The following NID2 variants were observed in gnomAD, a reference collection of about 807,000 sequenced individuals.
NID2 encodes nidogen-2.
Under a neutral mutation model 145.4 loss-of-function variants are expected in NID2, and 83 were observed. The ratio of observed to expected loss-of-function variants is 0.57; its 90% confidence interval spans 0.48 to 0.69. The LOEUF is 0.69. NID2 is among the 30% of genes least tolerant of loss of function. NID2 has a pLI of 0.00. For missense variants in NID2, 1,807 were observed against 1,765.7 expected (o/e 1.02, Z -0.42); for synonymous variants, 739 against 701.3 (o/e 1.05, Z -0.85).
intron 3 of NID2, 23 bp downstream of exon 3, chr14:52,060,101 G>A: frequency 6.6e-7 from 1 of 1,526,570 alleles, no homozygotes; most frequent in Non-Finnish European, 9.0e-7. Flanking sequence ...AATAGGAAAG[G>A]GCTTCAGCTC....
At chr14:52,065,773 C>T (rs1293728307) in intron 2 of NID2, among the ~76,000 whole-genome samples, 44 of 122,214 alleles carry the variant, frequency 3.6e-4, no homozygotes, top group East Asian at 2.7e-3. Context: ...TTTGTTCTTG[C>T]GATAGTTTAC....
intron 13 of NID2, 99 bp downstream of exon 13, chr14:52,019,960 G>C (rs1891342203): frequency 6.8e-7 from 1 of 1,480,264 alleles, no homozygotes; most frequent in Non-Finnish European, 9.1e-7. Flanking sequence ...AATCCACCAA[G>C]GCTCCAGACC....
chr14:52,023,349 G>C (rs535525280), intron 12 of NID2, among the ~76,000 whole-genome samples: 60 of 152,110 alleles, frequency 3.9e-4, no homozygotes, highest in Admixed American at 1.0e-3. Flanking sequence ...TGCTACTTGG[G>C]GGGGCTGAGA....
At chr14:52,046,308 G>C (rs1388943117) in intron 5 of NID2, among the ~76,000 whole-genome samples, 1 of 111,570 alleles carries the variant, frequency 9.0e-6, no homozygotes, top group Non-Finnish European at 1.7e-5. Context: ...GGGCGACAGA[G>C]AGAGACTCCA....
chr14:52,006,458 C>A, intron 20 of NID2, 79 bp downstream of exon 20: 1 of 1,559,860 alleles, frequency 6.4e-7, no homozygotes, highest in Non-Finnish European at 8.7e-7. Context: ...AAGTCAGGTA[C>A]TGACTTTTGG....
chr14:52,062,638 T>C (rs1319727711), intron 2 of NID2, among the ~76,000 whole-genome samples: 2 of 151,980 alleles, frequency 1.3e-5, no homozygotes, highest in Non-Finnish European at 2.9e-5. Context: ...CCATAATAAA[T>C]GTGAGATAGG....
intron 9 of NID2, among the ~76,000 whole-genome samples, chr14:52,035,643 T>G (rs1892033523): frequency 6.7e-6 from 1 of 149,716 alleles, no homozygotes. Context: ...CCGATGAGAA[T>G]GGTTTTAGAG....
chr14:52,005,561 G>C (rs1288801876), intron 21 of NID2, 65 bp from the exon 22 acceptor site: 11 of 1,544,408 alleles, frequency 7.1e-6, no homozygotes, highest in East Asian at 2.2e-5. Context: ...AGTTGCAACA[G>C]CAAGTCTTTG....
At chr14:52,058,100 T>A (rs1018662156) in intron 3 of NID2, among the ~76,000 whole-genome samples, 1 of 152,222 alleles carries the variant, frequency 6.6e-6, no homozygotes, top group Non-Finnish European at 1.5e-5. Flanking sequence ...TTTACTGCAA[T>A]GATATTTATA....
intron 20 of NID2, 165 bp downstream of exon 20, chr14:52,006,372 T>C (rs777951004): frequency 3.1e-5 from 22 of 715,548 alleles, no homozygotes; most frequent in Non-Finnish European, 4.4e-5. Context: ...CATGAAAGGA[T>C]GAAAAACATC....
intron 12 of NID2, among the ~76,000 whole-genome samples, chr14:52,022,002 G>T (rs1000248571): frequency 6.6e-6 from 1 of 152,144 alleles, no homozygotes; most frequent in Non-Finnish European, 1.5e-5. Flanking sequence ...TTCACAATAC[G>T]CATGCTAAAA....
intron 9 of NID2, among the ~76,000 whole-genome samples, chr14:52,031,463 G>C (rs937527893): frequency 2.6e-5 from 4 of 152,130 alleles, no homozygotes; most frequent in African/African-American, 9.7e-5. Context: ...AGACTCAAAA[G>C]ATTTCCAGAG....
chr14:52,050,057 G>A (rs1198956002), intron 5 of NID2, among the ~76,000 whole-genome samples: 1 of 152,178 alleles, frequency 6.6e-6, no homozygotes, highest in East Asian at 1.9e-4. Context: ...AAAGTGGAGT[G>A]GGACTACATG....
Position 52,015,093 on chromosome 14 carries a change from C to G in NID2, c.3211G>C (p.Val1071Leu), listed in dbSNP as rs772412285. Reference protein sequence around the residue: ...CWCVDKDGREVQGTRSQPGTT... With the variant: ...CWCVDKDGRELQGTRSQPGTT... Reference sequence around the variant, plus strand: ...CCTGGCTGGGAGCGGGTGCCCTGCACCTCTCTGCCATCTTTGTCCACACAC... The same window carrying G: ...CCTGGCTGGGAGCGGGTGCCCTGCAGCTCTCTGCCATCTTTGTCCACACAC... The change falls in exon 15 of 22, where the codon GTG becomes CTG. Residue 1071 changes from valine (V) to leucine (L), a missense_variant. Coordinates refer to ENST00000216286, the MANE Select transcript of NID2 (RefSeq NM_007361.4). 6.2e-7 allele frequency: 1 copy of G among 1,614,058 alleles called. No individual in the cohort carries two copies. The highest frequency in any genetic ancestry group is 2.2e-5 in the East Asian group (1 of 44,860).
At position 52,068,128 on chromosome 14, in the gene NID2, G is replaced by A; in HGVS notation, c.264C>T (p.Phe88=). The change falls in exon 2 of 22, where the codon TTC becomes TTT. Residue 88 remains phenylalanine, a synonymous_variant. Transcript: ENST00000216286. ...GTNGIISTQD[F]PRETQYVDYD... ...AGTCCACATACTGCGTTTCCCTGGGGAAGTCCTGAGTGGAGATGATGCCGT... is the reference window on the plus strand; with the variant it reads ...AGTCCACATACTGCGTTTCCCTGGGAAAGTCCTGAGTGGAGATGATGCCGT... 1 of 1,613,352 alleles carries A rather than the reference G, an allele frequency of 6.2e-7. No individual in the cohort carries two copies. Among genetic ancestry groups the A allele is most frequent in the Non-Finnish European group, 8.5e-7 (1 of 1,179,900 alleles).
At chr14:52,005,937 G>A in intron 20 of NID2, 88 bp from the exon 21 acceptor site, 2 of 988,194 alleles carry the variant, frequency 2.0e-6, no homozygotes, top group Admixed American at 1.8e-5. Context: ...TTGCAATAGA[G>A]GAAAATTTCT....
In NID2 at chr14:52,040,817, G is replaced by A. The variant is rs771716532; in HGVS notation, c.1860C>T (p.Phe620=). 7 of 1,614,042 alleles carry A rather than the reference G, an allele frequency of 4.3e-6. No homozygotes were observed. The highest frequency in any genetic ancestry group is 5.9e-6 in the Non-Finnish European group (7 of 1,180,042). ...TACGAACCGTCTCCTCTCCCGGGTA[G>A]AATGTAACTTCCATGTCATGGGTAA... ...AAFTHDMEVT[F]YPGEETVRIT... The change falls in exon 8 of 22, where the codon TTC becomes TTT. Residue 620 remains phenylalanine (F), a synonymous_variant. Coordinates refer to ENST00000216286, the MANE Select transcript of NID2 (RefSeq NM_007361.4).
chr14:52,014,194 G>A (rs758898375), intron 16 of NID2, 93 bp downstream of exon 16: 9 of 1,526,432 alleles, frequency 5.9e-6, no homozygotes, highest in Non-Finnish European at 8.2e-6. Flanking sequence ...GGACTTCCCT[G>A]CACCAGTCCA....
At chr14:52,008,925 A>G (rs1178307800) in intron 18 of NID2, 3 of 152,218 alleles carry the variant, frequency 2.0e-5, no homozygotes, top group East Asian at 3.9e-4. Context: ...AAATATATTC[A>G]TAACAGATAC....
Sources: gnomAD v4.1 joint callset for allele counts (sites outside exome capture counted in the v4.1 genomes callset) on GRCh38, gnomAD v4.1.1 for gene constraint, MANE v1.5 for transcripts, NCBI Gene and HGNC (gene_info 2026-07-23, HGNC 2026-07-21) for gene names.